The following TYW5 variants were observed in gnomAD, a reference collection of about 807,000 sequenced individuals.
The protein encoded by TYW5 is tRNA wybutosine-synthesizing protein 5.
Under a neutral mutation model 44.4 loss-of-function variants are expected in TYW5, and 36 were observed. That is an observed-to-expected ratio of 0.81 (90% CI 0.62 to 1.07). TYW5 has a LOEUF of 1.07. TYW5 is among the 50% of genes least tolerant of loss of function. The probability of loss-of-function intolerance (pLI) is 0.00; values close to 1 mark genes in which losing one functional copy is unlikely to be tolerated. For synonymous variants in TYW5, 121 were observed against 128.1 expected (o/e 0.94, Z 0.37); for missense variants, 354 against 365.7 (o/e 0.97, Z 0.26).
intron 7 of TYW5, among the ~76,000 whole-genome samples, chr2:199,934,331 T>C (rs1430531527): frequency 6.6e-6 from 1 of 151,912 alleles, no homozygotes; most frequent in African/African-American, 2.4e-5. Flanking sequence ...TTTAAAAATA[T>C]ATGCAAATGT....
chr2:199,942,285 T>G (rs1195888239), intron 3 of TYW5: 1 of 152,288 alleles, frequency 6.6e-6, no homozygotes. Flanking sequence ...GCCAGGATGG[T>G]CTCAATCTCC....
intron 5 of TYW5, among the ~76,000 whole-genome samples, chr2:199,938,084 AGAC>A (rs1454287276): frequency 2.0e-4 from 30 of 149,752 alleles, no homozygotes; most frequent in Non-Finnish European, 8.9e-5. Context: ...TTTTTTTTTG[AGAC>A]AGAGTCTCGT....
intron 1 of TYW5, 133 bp downstream of exon 1, chr2:199,955,260 A>G: frequency 9.8e-7 from 1 of 1,016,808 alleles, no homozygotes; most frequent in Non-Finnish European, 1.4e-6. Flanking sequence ...CTAAGGGCCA[A>G]CCAGTGATCT....
chr2:199,955,302 G>C (rs2077587805), intron 1 of TYW5, 91 bp downstream of exon 1: 1 of 1,435,558 alleles, frequency 7.0e-7, no homozygotes, highest in South Asian at 1.3e-5. Context: ...CCCACACCCT[G>C]GGTCTCTAAA....
intron 7 of TYW5, among the ~76,000 whole-genome samples, 159 bp downstream of exon 7, chr2:199,935,772 A>C (rs930895420): frequency 6.7e-6 from 1 of 148,366 alleles, no homozygotes; most frequent in Non-Finnish European, 1.5e-5. Flanking sequence ...ACACATACAC[A>C]CACACGCACA....
intron 2 of TYW5, 129 bp downstream of exon 2, chr2:199,948,189 T>A (rs1447336157): frequency 1.2e-6 from 1 of 842,404 alleles, no homozygotes; most frequent in African/African-American, 1.7e-5. Flanking sequence ...ATCAGTAAGC[T>A]ATTCCATGAT....
At chr2:199,941,372 T>G (rs1256389903) in intron 3 of TYW5, among the ~76,000 whole-genome samples, 2 of 152,308 alleles carry the variant, frequency 1.3e-5, no homozygotes, top group East Asian at 3.9e-4. Context: ...ACCAAGTAAC[T>G]AGAGAACTGT....
At chr2:199,953,157 A>G (rs563186812) in intron 1 of TYW5, among the ~76,000 whole-genome samples, 1 of 152,268 alleles carries the variant, frequency 6.6e-6, no homozygotes, top group East Asian at 1.9e-4. Context: ...CTCCGCCTCT[A>G]CTAAAAAATA....
intron 2 of TYW5, 179 bp downstream of exon 2, chr2:199,948,138 TA>T (rs1461964176): frequency 1.6e-6 from 1 of 612,474 alleles, no homozygotes; most frequent in Non-Finnish European, 2.8e-6. Context: ...TATAATTATG[TA>T]AACTCAGAAC....
At chr2:199,936,147 A>G (rs1234076123) in intron 6 of TYW5, 100 bp from the exon 7 acceptor site, 6 of 799,214 alleles carry the variant, frequency 7.5e-6, no homozygotes, top group Non-Finnish European at 1.3e-5. Context: ...TTTTCTATCC[A>G]GTTACTTACT....
Position 199,933,023 on chromosome 2 carries a change from A to G in TYW5, c.*44T>C. 1 of 1,593,172 alleles carries G rather than the reference A, an allele frequency of 6.3e-7. No homozygotes were observed. The highest frequency in any genetic ancestry group is 8.5e-7 in the Non-Finnish European group (1 of 1,170,252). ...AACAAAATCTTTAATTTATATCGTT[A>G]TACCTTACTAAAGTGTTAATGTGCA... is the stretch of plus-strand genomic sequence containing the variant. On this transcript the variant is annotated 3_prime_UTR_variant, in exon 8 of 8. Coordinates refer to ENST00000354611, the MANE Select transcript of TYW5 (RefSeq NM_001039693.3).
intron 3 of TYW5, among the ~76,000 whole-genome samples, chr2:199,941,883 C>G (rs2077467446): frequency 6.6e-6 from 1 of 152,100 alleles, no homozygotes; most frequent in South Asian, 2.1e-4. Flanking sequence ...TGGTAAAAGA[C>G]CTAGACATTG....
chr2:199,935,715 T>C (rs2077412906), intron 7 of TYW5, among the ~76,000 whole-genome samples: 1 of 129,622 alleles, frequency 7.7e-6, no homozygotes, highest in African/African-American at 2.8e-5. Flanking sequence ...CTAGGCCTGC[T>C]TTAAACACAC....
chr2:199,933,712 C>T (rs1219530148), intron 7 of TYW5, among the ~76,000 whole-genome samples: 1 of 152,134 alleles, frequency 6.6e-6, no homozygotes, highest in Non-Finnish European at 1.5e-5. Flanking sequence ...ATTTCAATTA[C>T]TTGAGGAGTA....
At chr2:199,939,468 C>G (rs1303460176) in intron 4 of TYW5, among the ~76,000 whole-genome samples, 2 of 152,154 alleles carry the variant, frequency 1.3e-5, no homozygotes, top group African/African-American at 4.8e-5. Context: ...TTTATAGTAT[C>G]ACTACTGTTA....
At chr2:199,954,905 C>T (rs1218538197) in intron 1 of TYW5, among the ~76,000 whole-genome samples, 1 of 152,064 alleles carries the variant, frequency 6.6e-6, no homozygotes, top group African/African-American at 2.4e-5. Context: ...CTTTTTGTTT[C>T]CCTAATATTT....
At chr2:199,943,866 A>AAT (rs1375545393) in intron 2 of TYW5, 32 bp from the exon 3 acceptor site, 2 of 1,537,076 alleles carry the variant, frequency 1.3e-6, no homozygotes, top group African/African-American at 2.8e-5. Context: ...CCTTGGACTT[A>AAT]ATAATAACAG....
At chr2:199,950,672 G>A (rs543752968) in intron 1 of TYW5, among the ~76,000 whole-genome samples, 18 of 152,212 alleles carry the variant, frequency 1.2e-4, no homozygotes, top group African/African-American at 4.1e-4. Flanking sequence ...GTATGTGCAC[G>A]TGCGCGTGCC....
At chr2:199,948,038 G>C (rs2077515950) in intron 2 of TYW5, 1 of 285,318 alleles carries the variant, frequency 3.5e-6, no homozygotes. Context: ...GTTGCAGTGA[G>C]CCAAAATCAC....
Sources: allele counts gnomAD v4.1 joint callset (sites outside exome capture counted in the v4.1 genomes callset), GRCh38; gene constraint gnomAD v4.1.1; transcripts MANE v1.5; gene names NCBI Gene and HGNC (gene_info 2026-07-23, HGNC 2026-07-21).